DLG2: variants seen among roughly 807,000 people sequenced by gnomAD.
DLG2 encodes disks large homolog 2.
A neutral mutation model predicts 132.5 loss-of-function variants in DLG2; 45 were observed. The observed-to-expected ratio is 0.34, with a 90% CI of 0.27 to 0.44. The LOEUF (loss-of-function observed/expected upper bound fraction) is 0.44. DLG2 is among the 20% of genes least tolerant of loss of function. The pLI, the probability that DLG2 is intolerant of heterozygous loss-of-function variation, is 1.00. For synonymous variants in DLG2, 424 were observed against 419.6 expected (o/e 1.01, Z -0.13); for missense variants, 1,045 against 1,196.9 (o/e 0.87, Z 1.87).
chr11:85,539,214 T>A (rs780621626), intron 3 of DLG2, among the ~76,000 whole-genome samples: 19 of 151,766 alleles, frequency 1.3e-4, no homozygotes, highest in Non-Finnish European at 2.5e-4. Context: ...ATCACATTTC[T>A]GAATGCAGTG....
intron 21 of DLG2, among the ~76,000 whole-genome samples, chr11:83,517,737 A>C (rs1431554872): frequency 1.3e-5 from 2 of 152,226 alleles, no homozygotes; most frequent in Non-Finnish European, 2.9e-5. Context: ...TTTCCTTCTA[A>C]CAGTCAGTAC....
chr11:85,429,909 A>G lies in DLG2; in HGVS notation c.41-144544T>C, dbSNP rs553858126. On this transcript the variant is annotated intron_variant, in intron 3 of 27. Transcript: ENST00000376104. ...TGCTGCTATAAAGACACATACACAC[A>G]TATGTTTATTGTGGCACTATTCACA... 3.9e-4 allele frequency among the ~76,000 whole-genome samples: 59 copies of G among 152,302 alleles called. No individual in the cohort carries two copies. The South Asian group carries it at 0.011, about 28-fold the overall frequency.
intron 6 of DLG2, among the ~76,000 whole-genome samples, chr11:84,814,192 C>T (rs542514621): frequency 6.6e-6 from 1 of 152,162 alleles, no homozygotes; most frequent in African/African-American, 2.4e-5. Flanking sequence ...TGTGATCATT[C>T]ATGTGAATTA....
intron 6 of DLG2, among the ~76,000 whole-genome samples, chr11:84,874,203 G>A (rs1227418102): frequency 6.6e-6 from 1 of 152,218 alleles, no homozygotes. Flanking sequence ...AGGATCCTAT[G>A]AGGAAGTACC....
chr11:85,278,290 A>G (rs1391426130), intron 4 of DLG2, among the ~76,000 whole-genome samples: 1 of 152,230 alleles, frequency 6.6e-6, no homozygotes, highest in Admixed American at 6.5e-5. Context: ...ATCTTATTTA[A>G]AATGAAGTGA....
At chr11:83,780,946 G>T (rs191638344) in intron 18 of DLG2, among the ~76,000 whole-genome samples, 1 of 152,036 alleles carries the variant, frequency 6.6e-6, no homozygotes, top group African/African-American at 2.4e-5. Context: ...TTAGGGCAAC[G>T]CCTCACAAAC....
intron 8 of DLG2, among the ~76,000 whole-genome samples, chr11:84,189,883 A>G (rs2096369510): frequency 6.6e-6 from 1 of 151,918 alleles, no homozygotes; most frequent in African/African-American, 2.4e-5. Context: ...TGGGCTTAAT[A>G]CCTAGGTGAT....
intron 19 of DLG2, among the ~76,000 whole-genome samples, chr11:83,546,200 G>A (rs553476453): frequency 1.3e-5 from 2 of 152,212 alleles, no homozygotes; most frequent in East Asian, 3.9e-4. Flanking sequence ...TGAGATACCT[G>A]GGTACCCTAA....
At chr11:85,003,258 T>C (rs1184439166) in intron 6 of DLG2, among the ~76,000 whole-genome samples, 2 of 152,032 alleles carry the variant, frequency 1.3e-5, no homozygotes, top group Non-Finnish European at 2.9e-5. Flanking sequence ...ACAACGTAAA[T>C]AACACAAAAA....
At chr11:83,813,748 A>T (rs1353717388) in intron 17 of DLG2, among the ~76,000 whole-genome samples, 4 of 152,166 alleles carry the variant, frequency 2.6e-5, no homozygotes, top group Non-Finnish European at 5.9e-5. Flanking sequence ...ATGGTCTTGC[A>T]AGTGCTTTAT....
intron 7 of DLG2, among the ~76,000 whole-genome samples, chr11:84,392,562 A>G (rs775196813): frequency 1.3e-5 from 2 of 152,198 alleles, no homozygotes; most frequent in Non-Finnish European, 2.9e-5. Flanking sequence ...ATTTTGGTCT[A>G]TTCTTGTAAT....
At chr11:83,890,365 G>A (rs1020517731) in intron 15 of DLG2, among the ~76,000 whole-genome samples, 7 of 152,100 alleles carry the variant, frequency 4.6e-5, no homozygotes, top group African/African-American at 1.7e-4. Flanking sequence ...CTGGATGTCA[G>A]AAATGTGGTC....
chr11:83,930,497 A>C lies in DLG2; in HGVS notation c.1341-14T>G, dbSNP rs1235766551. The C allele has an allele frequency of 8.7e-6, 14 of 1,612,674 alleles. No homozygotes were observed. Among genetic ancestry groups the C allele is most frequent in the Non-Finnish European group, 8.5e-6 (10 of 1,179,218 alleles). ...GGTTCCGGAGGCCTGGTGATACAAG[A>C]GGAAGAGAAAGATATGCATGGTTAG... On this transcript the variant is annotated splice_polypyrimidine_tract_variant and intron_variant, in intron 14 of 27. Transcript: ENST00000376104.
chr11:85,015,702 T>A (rs1027502210), intron 6 of DLG2, among the ~76,000 whole-genome samples: 1 of 152,182 alleles, frequency 6.6e-6, no homozygotes, highest in Non-Finnish European at 1.5e-5. Flanking sequence ...AAGCTCATCA[T>A]ACCGTGCCTG....
rs200253588 is a variant in DLG2, at chr11:84,362,493, CT to C, written c.520-111203del. ...TGAAAACCAGAATTCAAATAATCCTCTTTTTTTTTTAATAATTTTTTTTTTA... is the reference window on the plus strand; with the variant it reads ...TGAAAACCAGAATTCAAATAATCCTCTTTTTTTTTAATAATTTTTTTTTTA... On this transcript the variant is annotated intron_variant, in intron 7 of 27. Coordinates refer to ENST00000376104, the MANE Select transcript of DLG2 (RefSeq NM_001142699.3). Among the ~76,000 whole-genome samples, 798 of 146,632 alleles carry C rather than the reference CT, an allele frequency of 5.4e-3. 19 individuals carry two copies. In the East Asian group the frequency reaches 0.079, roughly 15 times the overall value.
At chr11:84,693,004 C>T (rs2058216389) in intron 6 of DLG2, among the ~76,000 whole-genome samples, 1 of 151,614 alleles carries the variant, frequency 6.6e-6, no homozygotes, top group Admixed American at 6.6e-5. Flanking sequence ...GAAAATTAAC[C>T]CAAACTGTTT....
chr11:84,436,880 T>C (rs1201170675), intron 7 of DLG2, among the ~76,000 whole-genome samples: 1 of 152,206 alleles, frequency 6.6e-6, no homozygotes, highest in Non-Finnish European at 1.5e-5. Context: ...AGTGATAAGA[T>C]ACCAAGCACC....
chr11:84,743,577 T>C (rs186254331), intron 6 of DLG2, among the ~76,000 whole-genome samples: 5 of 152,250 alleles, frequency 3.3e-5, no homozygotes, highest in South Asian at 4.1e-4. Flanking sequence ...CAAAGAGTCA[T>C]GTAAGCTGGC....
At chr11:85,299,226 G>A (rs991286847) in intron 3 of DLG2, among the ~76,000 whole-genome samples, 1 of 152,138 alleles carries the variant, frequency 6.6e-6, no homozygotes, top group Non-Finnish European at 1.5e-5. Flanking sequence ...GGAAGAGAGA[G>A]GTTGAGATGT....
Sources: allele counts gnomAD v4.1 joint callset (sites outside exome capture counted in the v4.1 genomes callset), GRCh38; gene constraint gnomAD v4.1.1; transcripts MANE v1.5; gene names NCBI Gene and HGNC (gene_info 2026-07-23, HGNC 2026-07-21).